Variants in CRYBG2 observed in about 807,000 individuals in gnomAD.
CRYBG2 encodes crystallin beta-gamma domain containing 2, also known as beta/gamma crystallin domain-containing protein 2.
CRYBG2 carries 106 observed loss-of-function variants against 153.4 expected under a neutral mutation model. That is an observed-to-expected ratio of 0.69 (90% CI 0.59 to 0.81). The LOEUF (loss-of-function observed/expected upper bound fraction) is 0.81. Among genes scored for constraint, CRYBG2 ranks in the 30% least tolerant of loss-of-function variants. The pLI, the probability that CRYBG2 is intolerant of heterozygous loss-of-function variation, is 0.00. For missense variants in CRYBG2, 1,996 were observed against 2,112.0 expected, an observed-to-expected ratio of 0.95 and a Z score of 1.08; for synonymous variants, 851 against 877.8, an observed-to-expected ratio of 0.97 and a Z score of 0.54.
chr1:26,342,838 G>A lies in CRYBG2; in HGVS notation c.3120C>T (p.Val1040=). The change falls in exon 5 of 20, where the codon GTC becomes GTT. Residue 1040 remains valine, a synonymous_variant. Coordinates refer to ENST00000308182, the MANE Select transcript of CRYBG2 (RefSeq NM_001039775.4). ...EEPEFRGQKL[V]LPEGDMELRT... The stretch of plus-strand genomic sequence containing the variant: ...TGAGTTCCATGTCTCCTTCAGGCAG[G>A]ACCAGCTTCTGACCCCGGAACTCTG... The A allele has an allele frequency of 1.9e-6, 3 of 1,614,148 alleles. No individual in the cohort carries two copies. The highest frequency in any genetic ancestry group is 2.5e-6 in the Non-Finnish European group (3 of 1,180,026).
chr1:26,327,817 C>T (rs542236839), intron 17 of CRYBG2, among the ~76,000 whole-genome samples: 108 of 151,904 alleles, frequency 7.1e-4, no homozygotes, highest in African/African-American at 2.3e-3. Context: ...CGTGGTAGCA[C>T]GTGCCTGTGG....
chr1:26,346,480 G>C lies in CRYBG2; in HGVS notation c.178C>G (p.Arg60Gly). Reference protein sequence around the residue: ...PQKEMFEFSRREEVEVNGFAT... With the variant: ...PQKEMFEFSRGEEVEVNGFAT... ...AAGCCATTGACTTCCACTTCCTCTC[G>C]ACGGCTGAACTCAAACATCTCCTTC... The change falls in exon 2 of 20, where the codon CGA (arginine) becomes GGA (glycine). Residue 60 changes from arginine (R) to glycine (G), a missense_variant. Physicochemically the swap from Arg to Gly is moderately radical, Grantham distance 125. Coordinates refer to ENST00000308182, the MANE Select transcript of CRYBG2 (RefSeq NM_001039775.4). The surrounding 1 kb of genome is among the most constrained non-coding windows in gnomAD (Gnocchi z 4.9). 6.2e-7 allele frequency: 1 copy of C among 1,610,748 alleles called. No individual in the cohort carries two copies. The highest frequency in any genetic ancestry group is 8.5e-7 in the Non-Finnish European group (1 of 1,179,804).
intron 1 of CRYBG2, among the ~76,000 whole-genome samples, chr1:26,348,624 C>T (rs2074252591): frequency 6.6e-6 from 1 of 152,082 alleles, no homozygotes; most frequent in Non-Finnish European, 1.5e-5. Context: ...GGCACGATCT[C>T]AGCCTACTGC....
At position 26,346,576 on chromosome 1, in the gene CRYBG2, T is replaced by TG. The variant is rs1177573677; in HGVS notation, c.81dup (p.Thr28HisfsTer29). On this transcript the variant is annotated frameshift_variant, in exon 2 of 20. Coordinates refer to ENST00000308182, the MANE Select transcript of CRYBG2 (RefSeq NM_001039775.4). LOFTEE classifies it high-confidence loss of function. The surrounding 1 kb of genome is among the most constrained non-coding windows in gnomAD (Gnocchi z 4.9). ...AAACCATGTTTGATCTCTTCCTGGG[T>TG]GGGGGGCCGCTGCCGCCATGTCAAT... The TG allele has an allele frequency of 3.7e-6, 6 of 1,602,194 alleles. No individual in the cohort carries two copies. The highest frequency in any genetic ancestry group is 4.5e-5 in the East Asian group (2 of 44,432).
At chr1:26,352,505 G>C (rs978073433) in intron 1 of CRYBG2, among the ~76,000 whole-genome samples, 1 of 152,068 alleles carries the variant, frequency 6.6e-6, no homozygotes, top group South Asian at 2.1e-4. Context: ...GGATGCACAC[G>C]TATCTTACAC....
In CRYBG2 at chr1:26,344,266, C is replaced by A. The variant is rs1272249200; in HGVS notation, c.2392G>T (p.Ala798Ser). The A allele has an allele frequency of 3.3e-6, 5 of 1,530,660 alleles. No individual in the cohort carries two copies. Among genetic ancestry groups the A allele is most frequent in the Middle Eastern group, 1.7e-4 (1 of 5,952 alleles). The allele number at this position is 1,530,660 out of a possible 1,614,324, so 94.8% of individuals were successfully genotyped here. ...TCCTCCTCAATGGCAGGCAGCGTGG[C>A]GTACATGGACAGGTAGGAGGAGCGA... ...APRSSYLSMY[A>S]TLPAIEEDQL... is the part of the protein sequence containing the mutation. Residue 798 changes from alanine (A) to serine (S), a missense_variant, in exon 2 of 20, where the codon GCC becomes TCC. By Grantham distance (99) the Ala-to-Ser change is moderately conservative. Transcript: ENST00000308182.
rs987667989 is a variant in CRYBG2, at chr1:26,324,221, C to G, written c.4668G>C (p.Val1556=). Residue 1556 remains valine, a synonymous_variant, in exon 18 of 20, where the codon GTG becomes GTC. Coordinates refer to ENST00000308182, the MANE Select transcript of CRYBG2 (RefSeq NM_001039775.4). ...DHVEDMKAGR[V]VVADPQAGGS... ...CTCCAGCTTGGGGGTCGGCGACCACCACACGGCCTGCTTTCATGTCCTCCA... is the reference window on the plus strand; with the variant it reads ...CTCCAGCTTGGGGGTCGGCGACCACGACACGGCCTGCTTTCATGTCCTCCA... 1 of 1,613,120 alleles carries G rather than the reference C, an allele frequency of 6.2e-7. No homozygotes were observed. Among genetic ancestry groups the G allele is most frequent in the Non-Finnish European group, 8.5e-7 (1 of 1,180,008 alleles).
At chr1:26,337,078 G>C in intron 10 of CRYBG2, 98 bp from the exon 11 acceptor site, 4 of 1,568,566 alleles carry the variant, frequency 2.6e-6, no homozygotes, top group Non-Finnish European at 1.7e-6. Flanking sequence ...GGAATTAGGG[G>C]TGAGGCTGTC....
chr1:26,337,089 A>C, intron 10 of CRYBG2, 109 bp from the exon 11 acceptor site: 1 of 1,561,238 alleles, frequency 6.4e-7, no homozygotes. Context: ...TGAGGCTGTC[A>C]GTACGACCTG....
At position 26,331,489 on chromosome 1, in the gene CRYBG2, C is replaced by A. The variant is rs570477367; in HGVS notation, c.4314G>T (p.Leu1438=). 8.7e-6 allele frequency: 14 copies of A among 1,610,304 alleles called. No homozygotes were observed. The highest frequency in any genetic ancestry group is 1.2e-5 in the Non-Finnish European group (14 of 1,177,180). ...TVLGSLQKVS[L]HFSEPSIFLY... ...CCTGGAACCAGACATGGAAACTCAC[C>A]AGGGATACCTTCTGGAGAGAGCCCA... The change falls in exon 15 of 20, where the codon CTG becomes CTT. Residue 1438 remains leucine (L), a splice_region_variant and synonymous_variant. Transcript: ENST00000308182.
Position 26,328,780 on chromosome 1 carries a change from C to T in CRYBG2, c.4408G>A (p.Glu1470Lys), listed in dbSNP as rs1470636343. Residue 1470 changes from glutamate to lysine, a missense_variant, in exon 16 of 20, where the codon GAG becomes AAG. Glu to Lys is a moderately conservative substitution (Grantham distance 56). Coordinates refer to ENST00000308182, the MANE Select transcript of CRYBG2 (RefSeq NM_001039775.4). ...GACAGCACATGGTTGTTGAAGCCCT[C>T]GGCTTGCAGGCTCCGCACCTCCCTG... The part of the protein sequence containing the change: ...LSREVRSLQA[E>K]GFNNHVLSVR... 5.6e-6 allele frequency: 9 copies of T among 1,614,076 alleles called. No individual in the cohort carries two copies. Among genetic ancestry groups the T allele is most frequent in the East Asian group, 2.2e-5 (1 of 44,878 alleles).
rs2074053722 is a variant in CRYBG2 at position 26,336,289 on chromosome 1, G to A, written c.4071+49C>T. Reference sequence around the variant, plus strand: ...AGCGGGGAGGGGAAAGGTCCGAAATGAGGGGAGAGACGTGAGCCCAGCGGC... The same window carrying A: ...AGCGGGGAGGGGAAAGGTCCGAAATAAGGGGAGAGACGTGAGCCCAGCGGC... On this transcript the variant is annotated intron_variant, in intron 13 of 19. Coordinates refer to ENST00000308182, the MANE Select transcript of CRYBG2 (RefSeq NM_001039775.4). This position sits in a 1 kb window ranked among gnomAD's most constrained non-coding sequence, Gnocchi z 4.9. 1.2e-6 allele frequency: 2 copies of A among 1,610,030 alleles called. No individual in the cohort carries two copies. The highest frequency in any genetic ancestry group is 2.2e-5 in the East Asian group (1 of 44,760).
In CRYBG2 at chr1:26,342,862, T is replaced by C; in HGVS notation, c.3096A>G (p.Pro1032=). The change falls in exon 5 of 20, where the codon CCA becomes CCG. Residue 1032 remains proline, a synonymous_variant. Coordinates refer to ENST00000308182, the MANE Select transcript of CRYBG2 (RefSeq NM_001039775.4). The stretch of plus-strand genomic sequence containing the variant: ...GGACCAGCTTCTGACCCCGGAACTC[T>C]GGCTCTTCGTACAGCACCCAGCTGT... ...VRGCWVLYEE[P]EFRGQKLVLP... is the part of the protein sequence containing the mutation. 1.2e-6 allele frequency: 2 copies of C among 1,614,180 alleles called. No homozygotes were observed. Among genetic ancestry groups the C allele is most frequent in the Non-Finnish European group, 1.7e-6 (2 of 1,180,024 alleles).
chr1:26,332,306 C>CAAAAAA (rs567865951), intron 14 of CRYBG2, among the ~76,000 whole-genome samples: 1 of 71,460 alleles, frequency 1.4e-5, no homozygotes. Context: ...GACTCCGTGT[C>CAAAAAA]AAAAAAAAAA....
Position 26,336,723 on chromosome 1 carries a change from G to A in CRYBG2, c.3921C>T (p.Ala1307=). The change falls in exon 12 of 20, where the codon GCC becomes GCT. Residue 1307 remains alanine, a synonymous_variant. Transcript: ENST00000308182. The surrounding 1 kb of genome is among the most constrained non-coding windows in gnomAD (Gnocchi z 4.9). ...CCCCGGAGAAGCCCACCTCCTGGTA[G>A]GCCACCCACCTGCAGGAAGGGCGGG... ...AIHVLSGVWV[A]YQEVGFSGEQ... The A allele has an allele frequency of 1.9e-6, 3 of 1,583,088 alleles. No homozygotes were observed. The highest frequency in any genetic ancestry group is 2.6e-6 in the Non-Finnish European group (3 of 1,164,268).
At chr1:26,339,468 C>T (rs1234704443) in intron 5 of CRYBG2, 39 bp from the exon 6 acceptor site, 1 of 1,609,404 alleles carries the variant, frequency 6.2e-7, no homozygotes, top group African/African-American at 1.3e-5. Context: ...AGATAAACAG[C>T]CAGGCGTGGT....
At position 26,336,941 on chromosome 1, in the gene CRYBG2, C is replaced by T; in HGVS notation, c.3811G>A (p.Asp1271Asn). 3.7e-6 allele frequency: 6 copies of T among 1,613,602 alleles called. No individual in the cohort carries two copies. The South Asian group carries it at 5.5e-5, about 15-fold the overall frequency. ...DPAVVLFEAM[D>N]FEGHGVEVSK... ...ACCTCCACGCCGTGCCCCTCGAAGTCCATGGCCTCAAATAGCACGACGGCC... is the reference window on the plus strand; with the variant it reads ...ACCTCCACGCCGTGCCCCTCGAAGTTCATGGCCTCAAATAGCACGACGGCC... The change falls in exon 11 of 20, where the codon GAC (aspartate) becomes AAC (asparagine). Residue 1271 changes from aspartate to asparagine, a missense_variant. By Grantham distance (23) the Asp-to-Asn change is conservative. Transcript: ENST00000308182. The surrounding 1 kb of genome is among the most constrained non-coding windows in gnomAD (Gnocchi z 4.9).
chr1:26,353,659 A>T (rs2074308568), intron 1 of CRYBG2, among the ~76,000 whole-genome samples: 1 of 152,076 alleles, frequency 6.6e-6, no homozygotes, highest in Admixed American at 6.5e-5. Flanking sequence ...AGGCCCAGAG[A>T]GGTTAAGCAA....
intron 5 of CRYBG2, among the ~76,000 whole-genome samples, chr1:26,341,400 T>G (rs2074127923): frequency 6.6e-6 from 1 of 152,092 alleles, no homozygotes; most frequent in Non-Finnish European, 1.5e-5. Context: ...AGACACTGCT[T>G]TTACAGTCAT....
Sources: gnomAD v4.1 joint callset for allele counts (sites outside exome capture counted in the v4.1 genomes callset) on GRCh38, gnomAD v4.1.1 for gene constraint, Gnocchi (gnomAD v3.1) non-coding constraint, MANE v1.5 for transcripts, NCBI Gene and HGNC (gene_info 2026-07-23, HGNC 2026-07-21) for gene names.